Variants in STK3 observed in about 807,000 individuals in gnomAD.
STK3 encodes serine/threonine-protein kinase 3.
STK3 carries 41 observed loss-of-function variants against 58.0 expected under a neutral mutation model. The observed-to-expected ratio is 0.71, with a 90% CI of 0.55 to 0.92. STK3 has a LOEUF of 0.92. Among genes scored for constraint, STK3 ranks in the 40% least tolerant of loss-of-function variants. The pLI, the probability that STK3 is intolerant of heterozygous loss-of-function variation, is 0.00. For synonymous variants in STK3, 170 were observed against 191.0 expected, an observed-to-expected ratio of 0.89 and a Z score of 0.91; for missense variants, 479 against 602.7, an observed-to-expected ratio of 0.79 and a Z score of 2.15.
At chr8:98,639,331 T>C (rs1164098356) in intron 6 of STK3, among the ~76,000 whole-genome samples, 4 of 152,156 alleles carry the variant, frequency 2.6e-5, no homozygotes, top group African/African-American at 9.7e-5. Flanking sequence ...CAGGCTGGTA[T>C]GAAATTCCTG....
intron 10 of STK3, among the ~76,000 whole-genome samples, chr8:98,508,453 A>C (rs1824258578): frequency 6.6e-6 from 1 of 152,042 alleles, no homozygotes; most frequent in Non-Finnish European, 1.5e-5. Context: ...GTGGCTGCCT[A>C]GGACTAGAAA....
chr8:98,352,520 C>T, the STK3 span, among the ~76,000 whole-genome samples: 1 of 152,124 alleles, frequency 6.6e-6, no homozygotes, highest in African/African-American at 2.4e-5. Context: ...AGAAAAAATG[C>T]CTATGGATGA....
the STK3 span, among the ~76,000 whole-genome samples, chr8:98,344,525 T>C: frequency 2.2e-4 from 33 of 152,108 alleles, no homozygotes; most frequent in African/African-American, 7.7e-4. Flanking sequence ...CTGGGTTTAT[T>C]TTTTAGAGTG....
intron 9 of STK3, among the ~76,000 whole-genome samples, chr8:98,529,760 A>C (rs1826026501): frequency 1.3e-5 from 2 of 152,218 alleles, no homozygotes; most frequent in Non-Finnish European, 2.9e-5. Flanking sequence ...TATGTGAAAT[A>C]AGCTAGTAAC....
chr8:98,353,391 T>A, the STK3 span, among the ~76,000 whole-genome samples: 22 of 152,168 alleles, frequency 1.4e-4, no homozygotes, highest in African/African-American at 5.1e-4. Context: ...CTTGGGAGGC[T>A]GAGGCGGGAG....
At chr8:98,376,481 G>C (rs549917397) in intron 2 of STK3, among the ~76,000 whole-genome samples, 2 of 151,858 alleles carry the variant, frequency 1.3e-5, no homozygotes, top group South Asian at 4.2e-4. Context: ...CATGTCTAAG[G>C]GCTCATTGCC....
chr8:98,532,198 G>T (rs921325639), intron 9 of STK3, among the ~76,000 whole-genome samples: 3 of 152,126 alleles, frequency 2.0e-5, no homozygotes, highest in Non-Finnish European at 4.4e-5. Flanking sequence ...TCTAGCTTTT[G>T]ATTTAAAGTG....
chr8:98,893,575 A>G (rs780519136), intron 1 of STK3, among the ~76,000 whole-genome samples: 1 of 151,462 alleles, frequency 6.6e-6, no homozygotes, highest in Non-Finnish European at 1.5e-5. Context: ...GGAGGGAGGA[A>G]AGAAAGGAAA....
chr8:98,619,143 C>T (rs1205260499), intron 6 of STK3, among the ~76,000 whole-genome samples: 9 of 150,960 alleles, frequency 6.0e-5, no homozygotes, highest in Non-Finnish European at 8.8e-5. Flanking sequence ...CAGAACAGAG[C>T]CCTCAGAAGT....
intron 1 of STK3, among the ~76,000 whole-genome samples, chr8:98,939,624 C>T (rs1035988916): frequency 1.3e-5 from 2 of 152,192 alleles, no homozygotes; most frequent in Admixed American, 6.5e-5. Flanking sequence ...AACTCACTGC[C>T]GCGTAGGAAC....
chr8:98,355,394 G>T, the STK3 span, among the ~76,000 whole-genome samples: 1 of 152,172 alleles, frequency 6.6e-6, no homozygotes, highest in Admixed American at 6.5e-5. Flanking sequence ...GCACCATACA[G>T]ACTAGCTGTT....
chr8:98,909,272 C>G (rs1397076627), intron 1 of STK3, among the ~76,000 whole-genome samples: 1 of 152,162 alleles, frequency 6.6e-6, no homozygotes, highest in Admixed American at 6.5e-5. Context: ...CTACAACCAA[C>G]CAGTTATAAA....
chr8:98,399,529 C>A (rs922328196), downstream of STK3, among the ~76,000 whole-genome samples: 2 of 152,216 alleles, frequency 1.3e-5, no homozygotes, highest in Admixed American at 6.5e-5. Flanking sequence ...ATGCCCCAAG[C>A]GGGCCCCTTG....
At chr8:98,344,892 CAAAAA>C in the STK3 span, among the ~76,000 whole-genome samples, 7 of 47,404 alleles carry the variant, frequency 1.5e-4, no homozygotes, top group East Asian at 6.8e-4. Flanking sequence ...GACTCCGTCT[CAAAAA>C]AAAAAAAAAA....
chr8:98,458,874 T>C (rs1184836842), intron 10 of STK3, among the ~76,000 whole-genome samples: 1 of 152,218 alleles, frequency 6.6e-6, no homozygotes, highest in African/African-American at 2.4e-5. Context: ...TGTGAATCAA[T>C]ACACCTCTTT....
In STK3 at chr8:98,455,668, A is replaced by G. The variant is rs1819438471; in HGVS notation, c.*174T>C. ...TCATCTTAGAGTGAATGCACAGCAG[A>G]TACAACTGTCAATTCTGCCTTTTGG... On this transcript the variant is annotated 3_prime_UTR_variant, in exon 11 of 11. Coordinates refer to ENST00000419617, the MANE Select transcript of STK3 (RefSeq NM_006281.4). 2 of 677,040 alleles carry G rather than the reference A, an allele frequency of 3.0e-6. No individual in the cohort carries two copies. The highest frequency in any genetic ancestry group is 5.8e-5 in the Admixed American group (2 of 34,440). The allele number at this position is 677,040 out of a possible 1,614,324, so 41.9% of individuals were successfully genotyped here.
intron 3 of STK3, among the ~76,000 whole-genome samples, chr8:98,842,079 A>G (rs1836012649): frequency 6.6e-6 from 1 of 152,156 alleles, no homozygotes; most frequent in Non-Finnish European, 1.5e-5. Flanking sequence ...AATCCAAAAG[A>G]AAACTATATA....
chr8:98,498,749 C>T (rs978644219), intron 10 of STK3, among the ~76,000 whole-genome samples: 1 of 152,160 alleles, frequency 6.6e-6, no homozygotes, highest in Non-Finnish European at 1.5e-5. Flanking sequence ...GAATATCACA[C>T]TCTACTAGTT....
intron 4 of STK3, among the ~76,000 whole-genome samples, chr8:98,737,711 T>G (rs1158526815): frequency 6.6e-6 from 1 of 152,088 alleles, no homozygotes; most frequent in Non-Finnish European, 1.5e-5. Context: ...TATAATTTTC[T>G]TTTTCTTTTT....
Sources: gnomAD v4.1 joint callset for allele counts (sites outside exome capture counted in the v4.1 genomes callset) on GRCh38, gnomAD v4.1.1 for gene constraint, MANE v1.5 for transcripts, NCBI Gene and HGNC (gene_info 2026-07-23, HGNC 2026-07-21) for gene names.